The following BRD3 variants were observed in gnomAD, a reference collection of about 807,000 sequenced individuals.
BRD3 encodes bromodomain-containing protein 3.
BRD3 carries 17 observed loss-of-function variants against 66.8 expected under a neutral mutation model. The ratio of observed to expected loss-of-function variants is 0.25; its 90% confidence interval spans 0.17 to 0.38. The LOEUF is 0.38. Ranked by LOEUF, BRD3 falls within the 10% of genes least tolerant of loss-of-function variation. The pLI, the probability that BRD3 is intolerant of heterozygous loss-of-function variation, is 1.00. For synonymous variants in BRD3, 421 were observed against 393.2 expected (o/e 1.07, Z -0.84); for missense variants, 713 against 956.1 (o/e 0.75, Z 3.35).
chr9:134,036,094 G>C lies in BRD3; in HGVS notation c.1874C>G (p.Thr625Ser). The C allele has an allele frequency of 6.2e-7, 1 of 1,614,192 alleles. No homozygotes were observed. The highest frequency in any genetic ancestry group is 1.1e-5 in the South Asian group (1 of 91,086). ...EIDFETLKPT[T>S]LRELERYVKS... ...GACATATCTCTCCAGTTCCCGCAAA[G>C]TGGTGGGTTTCAGAGTCTCAAAGTC... Residue 625 changes from threonine to serine, a missense_variant, in exon 10 of 12, where the codon ACT (threonine) becomes AGT (serine). Thr to Ser is a moderately conservative substitution (Grantham distance 58). This residue lies in a region of BRD3 where 418 missense variants were observed against 609.3 expected (regional missense o/e 0.69). Coordinates refer to ENST00000303407, the MANE Select transcript of BRD3 (RefSeq NM_007371.4).
In BRD3 at chr9:134,034,804, G is replaced by C; in HGVS notation, c.1962C>G (p.Ala654=). Residue 654 remains alanine (A), a synonymous_variant, in exon 11 of 12, where the codon GCC becomes GCG. Transcript: ENST00000303407. The stretch of plus-strand genomic sequence containing the variant: ...CCTGAGCTAGCTCCTCTTTCGACTT[G>C]GCTGCCTGTTTCTTCCCGCTTGCTG... ...PFSASGKKQA[A]KSKEELAQEK... The C allele has an allele frequency of 6.2e-7, 1 of 1,612,308 alleles. No individual in the cohort carries two copies. The highest frequency in any genetic ancestry group is 8.5e-7 in the Non-Finnish European group (1 of 1,180,010).
chr9:134,061,815 A>G (rs1044953211), intron 1 of BRD3, among the ~76,000 whole-genome samples: 24 of 152,206 alleles, frequency 1.6e-4, no homozygotes, highest in African/African-American at 4.6e-4. Context: ...AACACCCCAC[A>G]GCCCCAGAAT....
At position 134,053,541 on chromosome 9, in the gene BRD3, GCTCC is replaced by G; in HGVS notation, c.-68_-65del. 6.8e-7 allele frequency: 1 copy of G among 1,473,462 alleles called. No homozygotes were observed. The highest frequency in any genetic ancestry group is 1.4e-5 in the South Asian group (1 of 73,826). 91.3% of individuals were successfully genotyped at this position (1,473,462 alleles called of 1,614,324 possible). The stretch of plus-strand genomic sequence containing the variant: ...TTGGAGAGGCCCTGGCTGCTTCTAC[GCTCC>G]CTGAGAAAGCGCGACGTCCCATTTC... On this transcript the variant is annotated 5_prime_UTR_variant, in exon 2 of 12. An upstream open reading frame in the 5' UTR gains an earlier in-frame stop. Coordinates refer to ENST00000303407, the MANE Select transcript of BRD3 (RefSeq NM_007371.4).
chr9:134,042,694 TAC>T (rs375764175), intron 7 of BRD3, among the ~76,000 whole-genome samples: 3 of 124,004 alleles, frequency 2.4e-5, no homozygotes, highest in Non-Finnish European at 3.6e-5. Flanking sequence ...CACACACATA[TAC>T]ACACACATAT....
chr9:134,040,346 A>T, intron 8 of BRD3, 77 bp from the exon 9 acceptor site: 1 of 1,503,094 alleles, frequency 6.7e-7, no homozygotes, highest in Non-Finnish European at 8.9e-7. Context: ...CTGGGATTGG[A>T]GGGGGCTTGG....
At chr9:134,061,009 C>T (rs531539408) in intron 1 of BRD3, among the ~76,000 whole-genome samples, 2 of 152,332 alleles carry the variant, frequency 1.3e-5, no homozygotes, top group Admixed American at 6.5e-5. Context: ...GGGCTGTGGA[C>T]AAACAGGGAG....
At chr9:134,053,638 A>AC in intron 1 of BRD3, 48 bp from the exon 2 acceptor site, 1 of 1,398,022 alleles carries the variant, frequency 7.2e-7, no homozygotes, top group Non-Finnish European at 9.3e-7. Context: ...CACCCCGGGG[A>AC]CCCCCACCTC....
chr9:134,056,126 C>G (rs950408460), intron 1 of BRD3: 2 of 152,330 alleles, frequency 1.3e-5, no homozygotes, highest in African/African-American at 4.8e-5. Flanking sequence ...CGAGCCACGG[C>G]AGAGCCGTCC....
intron 9 of BRD3, among the ~76,000 whole-genome samples, chr9:134,038,639 G>C (rs1341304121): frequency 1.3e-5 from 2 of 152,138 alleles, no homozygotes; most frequent in African/African-American, 4.8e-5. Context: ...AACAGACAAA[G>C]ATAGTACAAG....
chr9:134,039,951 C>G (rs1339884203), intron 9 of BRD3, 83 bp downstream of exon 9: 12 of 1,502,308 alleles, frequency 8.0e-6, no homozygotes, highest in African/African-American at 1.4e-5. Context: ...CACAAAGCCC[C>G]CAATCCCAGC....
chr9:134,067,626 C>G (rs555065319), intron 1 of BRD3, among the ~76,000 whole-genome samples: 19 of 146,784 alleles, frequency 1.3e-4, no homozygotes, highest in Non-Finnish European at 2.6e-4. Flanking sequence ...CGCGCCAACT[C>G]CGGGCTGCGC....
chr9:134,040,285 C>A lies in BRD3; in HGVS notation c.1408-16G>T, dbSNP rs538534503. 1.9e-6 allele frequency: 3 copies of A among 1,585,516 alleles called. No individual in the cohort carries two copies. Among genetic ancestry groups the A allele is most frequent in the South Asian group, 1.1e-5 (1 of 87,568 alleles). On this transcript the variant is annotated splice_polypyrimidine_tract_variant and intron_variant, in intron 8 of 11. Transcript: ENST00000303407. The stretch of plus-strand genomic sequence containing the variant: ...CGGCCTTCAGCTGGAAAAGAGCGGG[C>A]GGCTGAGCAGGTGCTGGGCACGGCC...
At position 134,040,225 on chromosome 9, in the gene BRD3, T is replaced by G; in HGVS notation, c.1452A>C (p.Pro484=). 1 of 1,593,106 alleles carries G rather than the reference T, an allele frequency of 6.3e-7. No homozygotes were observed. The highest frequency in any genetic ancestry group is 8.5e-7 in the Non-Finnish European group (1 of 1,170,278). Residue 484 remains proline, a synonymous_variant, in exon 9 of 12, where the codon CCA becomes CCC. Coordinates refer to ENST00000303407, the MANE Select transcript of BRD3 (RefSeq NM_007371.4). ...CCTTCTTCTTCTTTGGTTTGTTTAC[T>G]GGGGCCTGAGACAGGGCGGCCAGCT... ...HEQLAALSQA[P]VNKPKKKKEK...
chr9:134,066,124 T>TCCTC (rs1481148587), intron 1 of BRD3, among the ~76,000 whole-genome samples: 1 of 152,082 alleles, frequency 6.6e-6, no homozygotes, highest in Non-Finnish European at 1.5e-5. Flanking sequence ...TTGAAATCCC[T>TCCTC]CCTCCCCGGA....
At chr9:134,043,833 G>A (rs1830111140) in intron 7 of BRD3, among the ~76,000 whole-genome samples, 1 of 152,166 alleles carries the variant, frequency 6.6e-6, no homozygotes. Flanking sequence ...TGGTACTACA[G>A]GGACACACCA....
At chr9:134,052,477 G>A in intron 2 of BRD3, 34 bp from the exon 3 acceptor site, 2 of 1,583,528 alleles carry the variant, frequency 1.3e-6, no homozygotes, top group Non-Finnish European at 1.7e-6. Flanking sequence ...ATTACCAGAA[G>A]ATTCTACATA....
In BRD3 at chr9:134,048,459, G is replaced by A. The variant is rs201665789; in HGVS notation, c.715-5C>T. On this transcript the variant is annotated splice_region_variant and splice_polypyrimidine_tract_variant and intron_variant, in intron 5 of 11. Transcript: ENST00000303407. ...TTTCCGCTTCACGCCCTTTTTCTGC[G>A]ACAGTGAAATAACCAGTGAACCCCG... is the stretch of plus-strand genomic sequence containing the variant. 35 of 1,598,366 alleles carry A rather than the reference G, an allele frequency of 2.2e-5. No homozygotes were observed. Among genetic ancestry groups the A allele is most frequent in the African/African-American group, 1.3e-4 (10 of 75,046 alleles).
intron 11 of BRD3, among the ~76,000 whole-genome samples, chr9:134,034,055 ACAGGAGACAGACCCCTTCAGCGGG>A (rs1843559431): frequency 1.3e-5 from 2 of 152,172 alleles, no homozygotes; most frequent in Non-Finnish European, 2.9e-5. Flanking sequence ...AAGAGTGACT[ACAGGAGACAGACCCCTTCAGCGGG>A]CAGGGTCATG....
In BRD3 at chr9:134,040,028, G is replaced by A. The variant is rs747088910; in HGVS notation, c.1643+6C>T. 5.7e-6 allele frequency: 9 copies of A among 1,583,862 alleles called. No homozygotes were observed. The highest frequency in any genetic ancestry group is 1.1e-5 in the South Asian group (1 of 87,372). ...CTCTTGGAGCCCGAGCAGGTCTGGA[G>A]CCCACCTGCCGGCCGTGGTCGTGCT... On this transcript the variant is annotated splice_donor_region_variant and intron_variant, in intron 9 of 11. Transcript: ENST00000303407.
Sources: gnomAD v4.1 joint callset for allele counts (sites outside exome capture counted in the v4.1 genomes callset) on GRCh38, gnomAD v4.1.1 for gene constraint, gnomAD v4.1.1 regional missense constraint, MANE v1.5 for transcripts, NCBI Gene and HGNC (gene_info 2026-07-23, HGNC 2026-07-21) for gene names.